Variants in GATC observed in about 807,000 individuals in gnomAD.
GATC encodes glutamyl-tRNA(Gln) amidotransferase subunit C, mitochondrial.
GATC carries 11 observed loss-of-function variants against 14.4 expected under a neutral mutation model. The ratio of observed to expected loss-of-function variants is 0.77; its 90% confidence interval spans 0.48 to 1.27. The LOEUF is 1.27. Ranked by LOEUF, GATC falls within the 50% of genes most tolerant of loss-of-function variation. The pLI is 0.00. For missense variants in GATC, 204 were observed against 183.0 expected, an observed-to-expected ratio of 1.11 and a Z score of -0.66; for synonymous variants, 76 against 79.3, an observed-to-expected ratio of 0.96 and a Z score of 0.22.
intron 2 of GATC, among the ~76,000 whole-genome samples, chr12:120,451,588 A>G (rs1878046109): frequency 6.6e-6 from 1 of 151,670 alleles, no homozygotes. Flanking sequence ...CTAAAAATAC[A>G]AAAATTAGCC....
At chr12:120,449,889 A>G (rs1290997517) in intron 2 of GATC, among the ~76,000 whole-genome samples, 1 of 151,972 alleles carries the variant, frequency 6.6e-6, no homozygotes, top group Non-Finnish European at 1.5e-5. Flanking sequence ...CAGCCTCCCA[A>G]GTAGCTGGGA....
At chr12:120,455,937 C>T (rs184993803) in intron 2 of GATC, among the ~76,000 whole-genome samples, 2,122 of 151,988 alleles carry the variant, frequency 0.014, 40 homozygotes, top group African/African-American at 0.047. Flanking sequence ...CCGCCCACCT[C>T]GGCCTCCCAA....
At chr12:120,455,192 T>G (rs1878149591) in intron 2 of GATC, among the ~76,000 whole-genome samples, 1 of 151,380 alleles carries the variant, frequency 6.6e-6, no homozygotes, top group Admixed American at 6.6e-5. Flanking sequence ...CTTTTTTTTT[T>G]TCTTCTTGCT....
At position 120,456,508 on chromosome 12, in the gene GATC, CCACCCCGGCAGACCA is replaced by C. The variant is rs563620161; in HGVS notation, c.255-561_255-547del. 3.6e-3 allele frequency among the ~76,000 whole-genome samples: 550 copies of C among 152,318 alleles called. 2 individuals carry two copies. Among genetic ancestry groups the C allele is most frequent in the Non-Finnish European group, 5.9e-3 (403 of 68,038 alleles). ...CTGCTTAGCTTTCCAGCTTCATCTTCCACCCCGGCAGACCACACCCCAGCCTGCTAAACTCCCTGT... is the reference window on the plus strand; with the variant it reads ...CTGCTTAGCTTTCCAGCTTCATCTTCCACCCCAGCCTGCTAAACTCCCTGT... On this transcript the variant is annotated intron_variant, in intron 2 of 3. Coordinates refer to ENST00000551765, the MANE Select transcript of GATC (RefSeq NM_176818.3).
rs1168746406 is a variant in GATC, at chr12:120,460,093, C to T, written c.*134C>T. The T allele has an allele frequency of 4.8e-6, 3 of 627,994 alleles. No individual in the cohort carries two copies. Among genetic ancestry groups the T allele is most frequent in the African/African-American group, 1.9e-5 (1 of 52,876 alleles). 38.9% of individuals were successfully genotyped at this position (627,994 alleles called of 1,614,324 possible). A position where few individuals can be genotyped will look rare whatever the true frequency, so the allele number is the denominator to read the frequency against. ...TGGATGCTCAAGCATTTCTTAATAA[C>T]AGATTCTTCTGAAGACAGAATTGGG... On this transcript the variant is annotated 3_prime_UTR_variant, in exon 4 of 4. Transcript: ENST00000551765.
chr12:120,455,028 C>T (rs914962321), intron 2 of GATC: 2 of 445,952 alleles, frequency 4.5e-6, no homozygotes, highest in African/African-American at 2.0e-5. Flanking sequence ...GCTGGGATTA[C>T]AGGTATGTAC....
In GATC at chr12:120,446,712, T is replaced by G. The variant is rs1176658145; in HGVS notation, c.137T>G (p.Val46Gly). Residue 46 changes from valine (V) to glycine (G), a missense_variant, in exon 2 of 4, where the codon GTG becomes GGG. Coordinates refer to ENST00000551765, the MANE Select transcript of GATC (RefSeq NM_176818.3). ...VIEHLERLAL[V>G]DFGSREAVAR... Reference sequence around the variant, plus strand: ...GAGCACCTGGAGCGTCTAGCGCTTGTGGACTTCGGCAGCCGCGAGGCAGTG... The same window carrying G: ...GAGCACCTGGAGCGTCTAGCGCTTGGGGACTTCGGCAGCCGCGAGGCAGTG... 1.2e-6 allele frequency: 2 copies of G among 1,613,732 alleles called. No individual in the cohort carries two copies. Among genetic ancestry groups the G allele is most frequent in the Non-Finnish European group, 1.7e-6 (2 of 1,180,010 alleles).
In GATC at chr12:120,459,275, G is replaced by A. The variant is rs74486615; in HGVS notation, c.359-632G>A. ...TGTGGCTCCAGCAGAAATATCTTTT[G>A]ATCAGACATGCTATCTCCCACACAG... On this transcript the variant is annotated intron_variant, in intron 3 of 3. Transcript: ENST00000551765. Among the ~76,000 whole-genome samples, 393 of 152,228 alleles carry A rather than the reference G, an allele frequency of 2.6e-3. 1 individual carries two copies. Among genetic ancestry groups the A allele is most frequent in the Non-Finnish European group, 4.7e-3 (319 of 68,010 alleles).
chr12:120,454,575 A>AT (rs35467904), intron 2 of GATC, among the ~76,000 whole-genome samples: 40,166 of 144,740 alleles, frequency 0.28, 6,181 homozygotes, highest in East Asian at 0.5. Flanking sequence ...CGCCTGGCTA[A>AT]TTTTTTTTTT....
chr12:120,457,105 T>A lies in GATC; in HGVS notation c.284T>A (p.Val95Glu), dbSNP rs1481229261. 1 of 1,614,014 alleles carries A rather than the reference T, an allele frequency of 6.2e-7. No individual in the cohort carries two copies. The highest frequency in any genetic ancestry group is 8.5e-7 in the Non-Finnish European group (1 of 1,179,888). Residue 95 changes from valine (V) to glutamate (E), a missense_variant, in exon 3 of 4, where the codon GTA becomes GAA. Physicochemically the swap from Val to Glu is moderately radical, Grantham distance 121 (BLOSUM62 -2). Transcript: ENST00000551765. The stretch of plus-strand genomic sequence containing the variant: ...CTATACCTGAGATCCGACAATGTGG[T>A]AGAAGGCAACTGTGCTGATGAATTA... Reference protein sequence around the residue: ...RCLYLRSDNVVEGNCADELLQ... With the variant: ...RCLYLRSDNVEEGNCADELLQ...
intron 2 of GATC, among the ~76,000 whole-genome samples, chr12:120,449,763 G>T (rs764606241): frequency 1.3e-5 from 2 of 148,992 alleles, no homozygotes; most frequent in Non-Finnish European, 3.0e-5. Context: ...AATGTTTAAT[G>T]AATTTTTTTT....
In GATC at chr12:120,446,795, G is replaced by C. The variant is rs370500567; in HGVS notation, c.220G>C (p.Gly74Arg). The C allele has an allele frequency of 6.5e-5, 105 of 1,613,580 alleles. 1 individual carries two copies. In the South Asian group the frequency reaches 1.0e-3, roughly 16 times the overall value. The change falls in exon 2 of 4, where the codon GGG becomes CGG. Residue 74 changes from glycine (G) to arginine (R), a missense_variant. By Grantham distance (125) the Gly-to-Arg change is moderately radical (BLOSUM62 -2). Transcript: ENST00000551765. ...ADRLRAVDTD[G>R]VEPMESVLED... ...CCGGCTACGCGCCGTGGACACAGACGGGGTGGAGCCCATGGAATCGGTCCT... is the reference window on the plus strand; with the variant it reads ...CCGGCTACGCGCCGTGGACACAGACCGGGTGGAGCCCATGGAATCGGTCCT...
Position 120,457,095 on chromosome 12 carries a change from G to A in GATC, c.274G>A (p.Asp92Asn), listed in dbSNP as rs746092513. ...TTGTAGATGTCTATACCTGAGATCC[G>A]ACAATGTGGTAGAAGGCAACTGTGC... ...LEDRCLYLRS[D>N]NVVEGNCADE... The change falls in exon 3 of 4, where the codon GAC (aspartate) becomes AAC (asparagine). Residue 92 changes from aspartate (D) to asparagine (N), a missense_variant. By Grantham distance (23) the Asp-to-Asn change is conservative. Transcript: ENST00000551765. 11 of 1,613,666 alleles carry A rather than the reference G, an allele frequency of 6.8e-6. No individual in the cohort carries two copies. Among genetic ancestry groups the A allele is most frequent in the East Asian group, 4.5e-5 (2 of 44,886 alleles).
At chr12:120,446,912 AG>A in intron 2 of GATC, 83 bp downstream of exon 2, 1 of 1,358,530 alleles carries the variant, frequency 7.4e-7, no homozygotes, top group African/African-American at 1.5e-5. Context: ...ACAGTTTTCC[AG>A]GGGGTTAAAG....
At chr12:120,448,942 T>C (rs903182605) in intron 2 of GATC, among the ~76,000 whole-genome samples, 9 of 150,814 alleles carry the variant, frequency 6.0e-5, no homozygotes, top group Middle Eastern at 6.8e-3. Flanking sequence ...CAAGTCTTCA[T>C]TCTTTTATAC....
intron 2 of GATC, chr12:120,455,087 C>T (rs1015737005): frequency 1.6e-5 from 6 of 370,032 alleles, no homozygotes; most frequent in African/African-American, 1.2e-4. Context: ...AGGGTTTCAC[C>T]ATATTGGATG....
intron 3 of GATC, among the ~76,000 whole-genome samples, chr12:120,459,580 G>A (rs1359185427): frequency 6.6e-6 from 1 of 152,198 alleles, no homozygotes; most frequent in East Asian, 1.9e-4. Flanking sequence ...GTTGTGGCCG[G>A]GCGCGGTGGC....
intron 2 of GATC, among the ~76,000 whole-genome samples, chr12:120,455,983 G>T (rs542123890): frequency 6.6e-6 from 1 of 152,268 alleles, no homozygotes; most frequent in African/African-American, 2.4e-5. Flanking sequence ...ACCGCGCCCG[G>T]CTGACAACTT....
chr12:120,448,958 TTC>T (rs1199831061), intron 2 of GATC, among the ~76,000 whole-genome samples: 3 of 136,514 alleles, frequency 2.2e-5, no homozygotes, highest in East Asian at 4.9e-4. Context: ...TATACTTAGG[TTC>T]TTTTTTTTTT....
Sources: gnomAD v4.1 joint callset for allele counts (sites outside exome capture counted in the v4.1 genomes callset) on GRCh38, gnomAD v4.1.1 for gene constraint, MANE v1.5 for transcripts, NCBI Gene and HGNC (gene_info 2026-07-23, HGNC 2026-07-21) for gene names.